Variants in UBE2A observed in about 807,000 individuals in gnomAD.
UBE2A encodes ubiquitin-conjugating enzyme E2 A.
For missense variants in UBE2A, 27 were observed against 125.8 expected, an observed-to-expected ratio of 0.21 and a Z score of 3.76; for synonymous variants, 39 against 41.1, an observed-to-expected ratio of 0.95 and a Z score of 0.20.
intron 3 of UBE2A, among the ~76,000 whole-genome samples, chrX:119,576,338 C>T (rs1254142719): frequency 9.0e-6 from 1 of 111,217 alleles, no homozygotes; most frequent in Non-Finnish European, 1.9e-5. Flanking sequence ...GTTCTACACT[C>T]AGTTGTGTGT....
chrX:119,581,425 A>G (rs867844723), intron 3 of UBE2A, 82 bp from the exon 4 acceptor site: 1 of 702,893 alleles, frequency 1.4e-6, no homozygotes, highest in Middle Eastern at 4.7e-4. Flanking sequence ...ATACTTGGAA[A>G]AACCCACATA....
chrX:119,581,993 C>T (rs995646209), intron 4 of UBE2A, among the ~76,000 whole-genome samples: 2 of 112,138 alleles, frequency 1.8e-5, no homozygotes, highest in African/African-American at 6.5e-5. Flanking sequence ...AACACAGATG[C>T]CTTCGCCCCA....
At chrX:119,576,476 A>G (rs1455450148) in intron 3 of UBE2A, among the ~76,000 whole-genome samples, 1 of 108,499 alleles carries the variant, frequency 9.2e-6, no homozygotes, top group Non-Finnish European at 1.9e-5. Context: ...TTTTTCCTCA[A>G]TGATTTCCTT....
intron 3 of UBE2A, among the ~76,000 whole-genome samples, chrX:119,579,397 AT>A (rs2053437176): frequency 8.9e-6 from 1 of 111,869 alleles, no homozygotes; most frequent in Non-Finnish European, 1.9e-5. Flanking sequence ...GATAGTTCTG[AT>A]TTTTGGGTTT....
At chrX:119,578,730 C>G (rs750180440) in intron 3 of UBE2A, among the ~76,000 whole-genome samples, 9 of 111,350 alleles carry the variant, frequency 8.1e-5, no homozygotes, top group Non-Finnish European at 1.7e-4. Flanking sequence ...CCCTCTAGTT[C>G]AACCATATCA....
chrX:119,577,715 ACTGCAGCCT>A (rs1379133144), intron 3 of UBE2A, among the ~76,000 whole-genome samples: 1 of 92,788 alleles, frequency 1.1e-5, no homozygotes, highest in Non-Finnish European at 2.0e-5. Flanking sequence ...AGCTCAGCTC[ACTGCAGCCT>A]CTGCCTCCCA....
intron 3 of UBE2A, among the ~76,000 whole-genome samples, chrX:119,578,231 A>G (rs1423104688): frequency 2.7e-5 from 3 of 111,801 alleles, no homozygotes; most frequent in Non-Finnish European, 3.8e-5. Flanking sequence ...TCAAGAGCTT[A>G]CACTACCAAA....
At chrX:119,577,329 G>C (rs1003656050) in intron 3 of UBE2A, among the ~76,000 whole-genome samples, 3 of 111,861 alleles carry the variant, frequency 2.7e-5, no homozygotes, top group African/African-American at 9.8e-5. Context: ...GTTTTACTCT[G>C]TTTTATGCTG....
chrX:119,576,595 C>T (rs1483124204), intron 3 of UBE2A, among the ~76,000 whole-genome samples: 1 of 111,398 alleles, frequency 9.0e-6, no homozygotes, highest in African/African-American at 3.3e-5. Context: ...GTTGCTGAGC[C>T]GGATTGCTTT....
At chrX:119,580,524 T>A (rs1216945680) in intron 3 of UBE2A, 1 of 112,543 alleles carries the variant, frequency 8.9e-6, no homozygotes, top group Non-Finnish European at 1.9e-5. Context: ...AACTGATTCT[T>A]CTAAGTTTAC....
At chrX:119,575,224 C>T in intron 2 of UBE2A, 151 bp from the exon 3 acceptor site, 1 of 882,661 alleles carries the variant, frequency 1.1e-6, no homozygotes, top group Non-Finnish European at 1.6e-6. Context: ...GCGGCTTGCC[C>T]TGTGTCTCTG....
intron 3 of UBE2A, among the ~76,000 whole-genome samples, chrX:119,578,956 C>G (rs183705229): frequency 6.2e-5 from 7 of 112,038 alleles, no homozygotes. Flanking sequence ...GCTGTAGTCT[C>G]AAGACTGCAT....
At chrX:119,575,456 T>C in intron 3 of UBE2A, 56 bp downstream of exon 3, 2 of 1,198,905 alleles carry the variant, frequency 1.7e-6, no homozygotes, top group South Asian at 3.5e-5. Flanking sequence ...GGGGAAAGGG[T>C]TCCCAGTCAT....
Position 119,574,936 on chromosome X carries a change from C to T in UBE2A, c.80C>T (p.Ala27Val). 3 of 1,212,115 alleles carry T rather than the reference C, an allele frequency of 2.5e-6. No individual in the cohort carries two copies. Among genetic ancestry groups the T allele is most frequent in the Non-Finnish European group, 3.4e-6 (3 of 895,479 alleles). The change falls in exon 2 of 6, where the codon GCT (alanine) becomes GTT (valine). Residue 27 changes from alanine (A) to valine (V), a missense_variant. Coordinates refer to ENST00000371558, the MANE Select transcript of UBE2A (RefSeq NM_003336.4). The stretch of plus-strand genomic sequence containing the variant: ...GATCCTCCAGCCGGAGTCAGCGGGG[C>T]TCCGTCCGAGAACAACATAATGGTG... Reference protein sequence around the residue: ...QEDPPAGVSGAPSENNIMVWN... With the variant: ...QEDPPAGVSGVPSENNIMVWN...
rs1803723 is a variant in UBE2A at position 119,583,960 on chromosome X, G to A, written c.*705G>A. The A allele has an allele frequency of 8.9e-6, 1 of 112,725 alleles. No homozygotes were observed. Among genetic ancestry groups the A allele is most frequent in the African/African-American group, 3.2e-5 (1 of 30,897 alleles). 9.3% of individuals were successfully genotyped at this position (112,725 alleles called of 1,213,427 possible). ...TCTGGGTTTTTGCTTTTTAAAAGAG[G>A]TGTGGGAGCAGAGGAATGGAAACAA... On this transcript the variant is annotated 3_prime_UTR_variant, in exon 6 of 6. Transcript: ENST00000371558.
In UBE2A at chrX:119,574,635, C is replaced by T. The variant is rs1457351990; in HGVS notation, c.-77C>T. On this transcript the variant is annotated 5_prime_UTR_variant, in exon 1 of 6. Coordinates refer to ENST00000371558, the MANE Select transcript of UBE2A (RefSeq NM_003336.4). ...TCCGCCTCCCCTTCTCCTGCTTCTCCAGCCTCTTCGGCCTCCTCGCCCGCC... is the reference window on the plus strand; with the variant it reads ...TCCGCCTCCCCTTCTCCTGCTTCTCTAGCCTCTTCGGCCTCCTCGCCCGCC... The T allele has an allele frequency of 5.0e-5, 57 of 1,140,094 alleles. No individual in the cohort carries two copies. The highest frequency in any genetic ancestry group is 6.0e-5 in the Non-Finnish European group (51 of 851,217). The allele number at this position is 1,140,094 out of a possible 1,213,427, so 94.0% of individuals were successfully genotyped here.
intron 3 of UBE2A, chrX:119,581,113 A>G (rs2053447546): frequency 1.7e-5 from 2 of 120,001 alleles, no homozygotes; most frequent in African/African-American, 6.5e-5. Context: ...CATTCTTTCT[A>G]GTCTGTCTAA....
At chrX:119,576,596 G>A (rs1048953355) in intron 3 of UBE2A, among the ~76,000 whole-genome samples, 6 of 111,401 alleles carry the variant, frequency 5.4e-5, no homozygotes, top group Admixed American at 2.9e-4. Flanking sequence ...TTGCTGAGCC[G>A]GATTGCTTTT....
intron 3 of UBE2A, 97 bp downstream of exon 3, chrX:119,575,497 C>G: frequency 9.2e-7 from 1 of 1,087,156 alleles, no homozygotes. Flanking sequence ...AGGAACCTGC[C>G]TCTGCCTAGC....
Sources: gnomAD v4.1 joint callset for allele counts (sites outside exome capture counted in the v4.1 genomes callset) on GRCh38, gnomAD v4.1.1 for gene constraint, MANE v1.5 for transcripts, NCBI Gene and HGNC (gene_info 2026-07-23, HGNC 2026-07-21) for gene names.